Variants in CD86 observed in about 807,000 individuals in gnomAD.
CD86 encodes T-lymphocyte activation antigen CD86.
Under a neutral mutation model 32.1 loss-of-function variants are expected in CD86, and 11 were observed. That is an observed-to-expected ratio of 0.34 (90% CI 0.22 to 0.57). The LOEUF is 0.57. Among genes scored for constraint, CD86 ranks in the 20% least tolerant of loss-of-function variants. The probability of loss-of-function intolerance (pLI) is 0.86; values close to 1 mark genes in which losing one functional copy is unlikely to be tolerated. For synonymous variants in CD86, 137 were observed against 135.3 expected (o/e 1.01, Z -0.09); for missense variants, 359 against 398.4 (o/e 0.90, Z 0.84).
intron 1 of CD86, among the ~76,000 whole-genome samples, chr3:122,071,391 T>C (rs1377481401): frequency 6.6e-6 from 1 of 152,212 alleles, no homozygotes; most frequent in African/African-American, 2.4e-5. Flanking sequence ...TATGTACCCT[T>C]TTCAGATTGA....
At chr3:122,076,852 G>A (rs1192174758) in intron 1 of CD86, among the ~76,000 whole-genome samples, 2 of 152,232 alleles carry the variant, frequency 1.3e-5, no homozygotes, top group Non-Finnish European at 2.9e-5. Context: ...TTTCATAAGT[G>A]AGAAGACTGA....
At chr3:122,060,583 T>G (rs1295658493) in intron 1 of CD86, among the ~76,000 whole-genome samples, 2 of 151,874 alleles carry the variant, frequency 1.3e-5, no homozygotes, top group Non-Finnish European at 2.9e-5. Context: ...AGGAGTTCCG[T>G]TCAAGACCAG....
chr3:122,081,375 C>G (rs933214147), intron 1 of CD86, among the ~76,000 whole-genome samples: 1 of 152,150 alleles, frequency 6.6e-6, no homozygotes, highest in Admixed American at 6.5e-5. Context: ...ATGTGTGTAT[C>G]AAAAATATGG....
At chr3:122,077,283 C>T (rs1485349451) in intron 1 of CD86, among the ~76,000 whole-genome samples, 1 of 152,192 alleles carries the variant, frequency 6.6e-6, no homozygotes, top group Non-Finnish European at 1.5e-5. Context: ...GGCATTTACA[C>T]ACCTTTCCCA....
chr3:122,070,671 T>C (rs530152738), intron 1 of CD86, among the ~76,000 whole-genome samples: 2 of 152,334 alleles, frequency 1.3e-5, no homozygotes, highest in African/African-American at 4.8e-5. Flanking sequence ...TGGGGCCTTT[T>C]CTTTAATTTA....
chr3:122,062,097 AAAAC>A (rs1401981356), intron 1 of CD86, among the ~76,000 whole-genome samples: 3 of 152,002 alleles, frequency 2.0e-5, no homozygotes, highest in African/African-American at 7.2e-5. Context: ...GTAAAAAAAA[AAAAC>A]AAAAACTAAA....
chr3:122,105,542 G>A lies in CD86; in HGVS notation c.401-656G>A, dbSNP rs575495168. On this transcript the variant is annotated intron_variant, in intron 3 of 6. Transcript: ENST00000330540. ...AGTGATCCTGAACAGCCAGAAAAGT[G>A]AGAATGGCAAAGGCAAGAGAAACAC... 3.3e-5 allele frequency among the ~76,000 whole-genome samples: 5 copies of A among 152,304 alleles called. No homozygotes were observed. In the South Asian group the frequency reaches 6.2e-4, roughly 19 times the overall value.
chr3:122,073,948 G>A (rs1224483180), intron 1 of CD86, among the ~76,000 whole-genome samples: 3 of 152,184 alleles, frequency 2.0e-5, no homozygotes, highest in Admixed American at 6.5e-5. Flanking sequence ...GGGTCATGCA[G>A]GAGTCTCCTT....
At chr3:122,116,005 A>C (rs1314367029) in intron 5 of CD86, among the ~76,000 whole-genome samples, 1 of 152,126 alleles carries the variant, frequency 6.6e-6, no homozygotes, top group African/African-American at 2.4e-5. Flanking sequence ...ACCTAGACAC[A>C]CACAAAGTAA....
chr3:122,072,399 C>T (rs2107508417), intron 1 of CD86, among the ~76,000 whole-genome samples: 1 of 152,020 alleles, frequency 6.6e-6, no homozygotes, highest in Non-Finnish European at 1.5e-5. Flanking sequence ...CTGTTGTTTC[C>T]TGACTTTTTA....
At chr3:122,100,231 G>A (rs1452319258) in intron 2 of CD86, among the ~76,000 whole-genome samples, 1 of 152,184 alleles carries the variant, frequency 6.6e-6, no homozygotes, top group Non-Finnish European at 1.5e-5. Flanking sequence ...ATTTAGCAAG[G>A]TGGTAGTGAC....
At chr3:122,094,482 A>G (rs2072875895) in intron 2 of CD86, among the ~76,000 whole-genome samples, 2 of 152,236 alleles carry the variant, frequency 1.3e-5, no homozygotes, top group Admixed American at 6.5e-5. Context: ...ATCAGAAAAT[A>G]ACATTGCCAG....
At chr3:122,097,458 G>T (rs1487168070) in intron 2 of CD86, among the ~76,000 whole-genome samples, 1 of 152,154 alleles carries the variant, frequency 6.6e-6, no homozygotes, top group East Asian at 1.9e-4. Context: ...TTACTACGAC[G>T]GTATAATCAA....
intron 1 of CD86, chr3:122,077,870 A>G (rs2072575626): frequency 1.8e-5 from 18 of 985,442 alleles, no homozygotes; most frequent in Non-Finnish European, 2.2e-5. Context: ...TTTGAGTTCT[A>G]CCGTCAGTCC....
Position 122,106,493 on chromosome 3 carries a change from C to T in CD86, c.696C>T (p.Phe232=). 6.2e-7 allele frequency: 1 copy of T among 1,603,300 alleles called. No homozygotes were observed. Among genetic ancestry groups the T allele is most frequent in the Non-Finnish European group, 8.5e-7 (1 of 1,173,764 alleles). The stretch of plus-strand genomic sequence containing the variant: ...AGACGCGGCTTTTATCTTCACCTTT[C>T]TCTATAGGTAAAGCTGTTTTCCAAG... ...TDKTRLLSSP[F]SIELEDPQPP... is the part of the protein sequence containing the mutation. The change falls in exon 4 of 7, where the codon TTC becomes TTT. Residue 232 remains phenylalanine, a synonymous_variant. Coordinates refer to ENST00000330540, the MANE Select transcript of CD86 (RefSeq NM_175862.5).
chr3:122,116,417 A>G (rs1233327137), intron 5 of CD86, among the ~76,000 whole-genome samples: 1 of 152,126 alleles, frequency 6.6e-6, no homozygotes, highest in Non-Finnish European at 1.5e-5. Flanking sequence ...GGGAAGTACA[A>G]ATTAAAACGA....
At chr3:122,062,544 TA>T (rs1298891495) in intron 1 of CD86, among the ~76,000 whole-genome samples, 1 of 152,222 alleles carries the variant, frequency 6.6e-6, no homozygotes, top group Non-Finnish European at 1.5e-5. Flanking sequence ...AAGAGTTTTT[TA>T]TAACAGGGTG....
At chr3:122,109,242 T>G in intron 4 of CD86, 23 bp from the exon 5 acceptor site, 4 of 1,605,800 alleles carry the variant, frequency 2.5e-6, no homozygotes, top group Non-Finnish European at 3.4e-6. Flanking sequence ...CCTGGCTGAT[T>G]GAAAATTTGT....
In CD86 at chr3:122,055,469, G is replaced by A. The variant is rs2072219331; in HGVS notation, c.-21G>A. 4.3e-6 allele frequency: 7 copies of A among 1,613,352 alleles called. No homozygotes were observed. Among genetic ancestry groups the A allele is most frequent in the African/African-American group, 1.3e-5 (1 of 75,034 alleles). On this transcript the variant is annotated 5_prime_UTR_variant, in exon 1 of 7. Transcript: ENST00000330540. ...GAGTGGGGTCATTTCCAGATATTAGGTCACAGCAGAAGCAGCCAAAATGGA... is the reference window on the plus strand; with the variant it reads ...GAGTGGGGTCATTTCCAGATATTAGATCACAGCAGAAGCAGCCAAAATGGA...
Sources: gnomAD v4.1 joint callset for allele counts (sites outside exome capture counted in the v4.1 genomes callset) on GRCh38, gnomAD v4.1.1 for gene constraint, MANE v1.5 for transcripts, NCBI Gene and HGNC (gene_info 2026-07-23, HGNC 2026-07-21) for gene names.